The following AP4S1 variants were observed in gnomAD, a reference collection of about 807,000 sequenced individuals.
AP4S1 encodes the protein AP-4 complex subunit sigma-1.
A neutral mutation model predicts 19.8 loss-of-function variants in AP4S1; 23 were observed. The observed-to-expected ratio is 1.16, with a 90% CI of 0.84 to 1.65. The LOEUF is 1.65. AP4S1 is among the 40% of genes most tolerant of loss of function. The pLI is 0.00. For synonymous variants in AP4S1, 46 were observed against 54.1 expected (o/e 0.85, Z 0.66); for missense variants, 166 against 172.8 (o/e 0.96, Z 0.22).
intron 1 of AP4S1, among the ~76,000 whole-genome samples, chr14:31,049,249 T>TA (rs1187998436): frequency 1.3e-5 from 2 of 150,128 alleles, no homozygotes; most frequent in South Asian, 4.2e-4. Flanking sequence ...CTGTCTCTAC[T>TA]AAAAAATACA....
At chr14:31,075,194 C>T (rs1210037458) in intron 4 of AP4S1, among the ~76,000 whole-genome samples, 3 of 152,184 alleles carry the variant, frequency 2.0e-5, no homozygotes, top group Non-Finnish European at 4.4e-5. Context: ...TCCTCTTCCT[C>T]TCCCAGCTTT....
At chr14:31,079,865 T>A (rs1887548457) in intron 4 of AP4S1, among the ~76,000 whole-genome samples, 1 of 144,374 alleles carries the variant, frequency 6.9e-6, no homozygotes, top group African/African-American at 2.6e-5. Context: ...ATAGATTTTT[T>A]TAAGTGAGAA....
At chr14:31,064,108 A>G (rs754957538) in intron 1 of AP4S1, among the ~76,000 whole-genome samples, 3 of 152,178 alleles carry the variant, frequency 2.0e-5, no homozygotes, top group Non-Finnish European at 4.4e-5. Flanking sequence ...GATTCAATAC[A>G]ACTGAGTTAG....
intron 1 of AP4S1, among the ~76,000 whole-genome samples, chr14:31,049,474 T>TCACACACACACACACACACAC (rs1313078783): frequency 1.7e-5 from 1 of 57,182 alleles, no homozygotes; most frequent in Non-Finnish European, 3.4e-5. Context: ...TATATATATG[T>TCACACACACACACACACACAC]ACACACACAC....
At chr14:31,087,963 C>A (rs1343553184) in intron 5 of AP4S1, among the ~76,000 whole-genome samples, 1 of 152,166 alleles carries the variant, frequency 6.6e-6, no homozygotes, top group Non-Finnish European at 1.5e-5. Context: ...TGAGGACTGG[C>A]CTGTGGGTCC....
chr14:31,090,632 A>T (rs114267319), intron 5 of AP4S1, among the ~76,000 whole-genome samples: 3,096 of 152,296 alleles, frequency 0.02, 92 homozygotes, highest in African/African-American at 0.07. Flanking sequence ...CCTATTTCAA[A>T]TGTCACCATT....
chr14:31,047,752 C>G (rs1340942468), intron 1 of AP4S1, among the ~76,000 whole-genome samples: 1 of 152,110 alleles, frequency 6.6e-6, no homozygotes, highest in Non-Finnish European at 1.5e-5. Flanking sequence ...AGTCTTGGCT[C>G]ACTGCAACCT....
Position 31,096,348 on chromosome 14 carries a change from A to T in AP4S1, c.*3313A>T, listed in dbSNP as rs954836560. 6.6e-6 allele frequency: 1 copy of T among 152,066 alleles called. No homozygotes were observed. Among genetic ancestry groups the T allele is most frequent in the Non-Finnish European group, 1.5e-5 (1 of 68,028 alleles). The allele number at this position is 152,066 out of a possible 1,614,324, so 9.4% of individuals were successfully genotyped here. ...ATGTACAGTAGTCCCTCTCTTATCC[A>T]CTGTTTCGCATTCTGTGGTTTGTGT... On this transcript the variant is annotated 3_prime_UTR_variant, in exon 6 of 6. Transcript: ENST00000542754.
Position 31,025,725 on chromosome 14 carries a change from G to T in AP4S1, c.-134G>T. 1.2e-6 allele frequency: 1 copy of T among 862,210 alleles called. No individual in the cohort carries two copies. The highest frequency in any genetic ancestry group is 1.8e-5 in the South Asian group (1 of 56,544). The allele number at this position is 862,210 out of a possible 1,614,324, so 53.4% of individuals were successfully genotyped here. A position where few individuals can be genotyped will look rare whatever the true frequency, so the allele number is the denominator to read the frequency against. On this transcript the variant is annotated 5_prime_UTR_variant, in exon 1 of 6. The change creates a premature stop within an existing upstream ORF in the 5' untranslated region. Transcript: ENST00000542754. ...AAGGTTGGGGAGCAAGCTTATGCGG[G>T]AAAGAGGGAGGGGGACTCCAGGAAA... is the stretch of plus-strand genomic sequence containing the variant.
chr14:31,028,628 TGTGGCCAGGTGCG>T (rs1884194982), intron 1 of AP4S1, among the ~76,000 whole-genome samples: 1 of 150,642 alleles, frequency 6.6e-6, no homozygotes, highest in Non-Finnish European at 1.5e-5. Context: ...CAGAGACATT[TGTGGCCAGGTGCG>T]GTGGCTCACA....
intron 5 of AP4S1, among the ~76,000 whole-genome samples, chr14:31,091,039 A>T (rs1888064060): frequency 6.6e-6 from 1 of 152,164 alleles, no homozygotes; most frequent in South Asian, 2.1e-4. Context: ...GTTCCTTGTA[A>T]TGTGGGGATG....
intron 3 of AP4S1, among the ~76,000 whole-genome samples, chr14:31,070,352 C>A (rs61976852): frequency 1.3e-5 from 2 of 152,176 alleles, no homozygotes; most frequent in African/African-American, 4.8e-5. Context: ...GCAGTCTTCC[C>A]ATCTCAGCCA....
chr14:31,082,924 T>C (rs1887728762), intron 5 of AP4S1, among the ~76,000 whole-genome samples: 1 of 151,694 alleles, frequency 6.6e-6, no homozygotes, highest in South Asian at 2.1e-4. Context: ...TAGAAGAGCT[T>C]TAACACCTGA....
At chr14:31,044,618 G>C (rs1036361454) in intron 1 of AP4S1, among the ~76,000 whole-genome samples, 5 of 151,518 alleles carry the variant, frequency 3.3e-5, no homozygotes, top group African/African-American at 1.2e-4. Context: ...AAAGTGCTGG[G>C]ATTACAGGCC....
Position 31,094,442 on chromosome 14 carries a change from A to C in AP4S1, c.*1407A>C, listed in dbSNP as rs1888151881. On this transcript the variant is annotated 3_prime_UTR_variant, in exon 6 of 6. Transcript: ENST00000542754. ...TAGACCTCATCTCTACAAAAAATGC[A>C]AAAATCAGCCGGGTGTGGTGGCACA... 2 of 152,244 alleles carry C rather than the reference A, an allele frequency of 1.3e-5. No individual in the cohort carries two copies. The highest frequency in any genetic ancestry group is 4.8e-5 in the African/African-American group (2 of 41,418). The allele number at this position is 152,244 out of a possible 1,614,324, so 9.4% of individuals were successfully genotyped here.
chr14:31,084,094 G>A (rs1887801911), intron 5 of AP4S1, among the ~76,000 whole-genome samples: 1 of 152,218 alleles, frequency 6.6e-6, no homozygotes, highest in Non-Finnish European at 1.5e-5. Flanking sequence ...TTGAAAACAG[G>A]AAAACTGCTA....
At chr14:31,043,616 A>G (rs1885235027) in intron 1 of AP4S1, among the ~76,000 whole-genome samples, 1 of 152,222 alleles carries the variant, frequency 6.6e-6, no homozygotes, top group African/African-American at 2.4e-5. Context: ...TAACTCGGCA[A>G]CAGAGTTAAC....
rs147526198 is a variant in AP4S1, at chr14:31,047,630, T to G, written c.-71-18496T>G. On this transcript the variant is annotated intron_variant, in intron 1 of 5. Transcript: ENST00000542754. The stretch of plus-strand genomic sequence containing the variant: ...CAGGATGGTCTCGATCTCCTGACCT[T>G]GTGATTCGCCCGCCTCAGCCTCCCA... Among the ~76,000 whole-genome samples, 482 of 152,062 alleles carry G rather than the reference T, an allele frequency of 3.2e-3. 20 individuals are homozygous for G. In the East Asian group the frequency reaches 0.071, roughly 22 times the overall value.
chr14:31,088,520 G>C (rs1476179998), intron 5 of AP4S1, among the ~76,000 whole-genome samples: 1 of 151,986 alleles, frequency 6.6e-6, no homozygotes, highest in African/African-American at 2.4e-5. Flanking sequence ...TTTAAAAAAA[G>C]ATAACAGCCA....
Sources: gnomAD v4.1 joint callset for allele counts (sites outside exome capture counted in the v4.1 genomes callset) on GRCh38, gnomAD v4.1.1 for gene constraint, MANE v1.5 for transcripts, NCBI Gene and HGNC (gene_info 2026-07-23, HGNC 2026-07-21) for gene names.